Variants in ZNF540 observed in about 807,000 individuals in gnomAD.
ZNF540 encodes CTD-3064H18.6.
In ZNF540, 3 loss-of-function variants were observed where a neutral mutation model predicts 11.8. The observed-to-expected ratio is 0.25, with a 90% CI of 0.12 to 0.65. The LOEUF (loss-of-function observed/expected upper bound fraction) is 0.65. Among genes scored for constraint, ZNF540 ranks in the 30% least tolerant of loss-of-function variants. The probability of loss-of-function intolerance (pLI) is 0.83; values close to 1 mark genes in which losing one functional copy is unlikely to be tolerated. For synonymous variants in ZNF540, 247 were observed against 259.0 expected (o/e 0.95, Z 0.45); for missense variants, 709 against 793.1 (o/e 0.89, Z 1.27).
In ZNF540 at chr19:37,611,857, G is replaced by A. The variant is rs374759629; in HGVS notation, c.577G>A (p.Gly193Arg). The change falls in exon 5 of 5, where the codon GGG becomes AGG. Residue 193 changes from glycine (G) to arginine (R), a missense_variant. Physicochemically the swap from Gly to Arg is moderately radical, Grantham distance 125. Coordinates refer to ENST00000316433, the MANE Select transcript of ZNF540 (RefSeq NM_001172225.3). ...TGTGAAACATGATTGTAAAGAATGTGGGAGTACTTTTAATAATGTCTATCA... is the reference window on the plus strand; with the variant it reads ...TGTGAAACATGATTGTAAAGAATGTAGGAGTACTTTTAATAATGTCTATCA... Reference protein sequence around the residue: ...SDVKHDCKECGSTFNNVYQLT... With the variant: ...SDVKHDCKECRSTFNNVYQLT... 6.2e-7 allele frequency: 1 copy of A among 1,613,878 alleles called. No homozygotes were observed. Among genetic ancestry groups the A allele is most frequent in the African/African-American group, 1.3e-5 (1 of 75,038 alleles).
At position 37,611,606 on chromosome 19, in the gene ZNF540, A is replaced by G. The variant is rs2044129225; in HGVS notation, c.326A>G (p.Lys109Arg). The stretch of plus-strand genomic sequence containing the variant: ...AAAGAGAGTATAATAGAAAAAAGTA[A>G]AACTCTTCGTCTGAAAGGATCCATT... Reference protein sequence around the residue: ...LSKESIIEKSKTLRLKGSIFR... With the variant: ...LSKESIIEKSRTLRLKGSIFR... The change falls in exon 5 of 5, where the codon AAA becomes AGA. Residue 109 changes from lysine to arginine, a missense_variant. Coordinates refer to ENST00000316433, the MANE Select transcript of ZNF540 (RefSeq NM_001172225.3). The G allele has an allele frequency of 6.2e-7, 1 of 1,613,982 alleles. No individual in the cohort carries two copies. Among genetic ancestry groups the G allele is most frequent in the African/African-American group, 1.3e-5 (1 of 75,052 alleles).
intron 1 of ZNF540, among the ~76,000 whole-genome samples, chr19:37,584,432 T>C (rs1600522713): frequency 6.6e-6 from 1 of 152,360 alleles, no homozygotes; most frequent in East Asian, 1.9e-4. Context: ...CAATAACTAA[T>C]ATACTCTCAA....
rs773425281 is a variant in ZNF540, at chr19:37,565,960, T to G, written c.-73+14295T>G. The G allele has an allele frequency of 6.2e-6, 10 of 1,613,732 alleles. No homozygotes were observed. The highest frequency in any genetic ancestry group is 5.0e-5 in the Admixed American group (3 of 59,978). On this transcript the variant is annotated intron_variant, in intron 1 of 4. Coordinates refer to the ZNF540 transcript ENST00000592533. Reference sequence around the variant, plus strand: ...TTTCTATATTATGATTTTCCTCATGTTGAATAAGGCATGACAGGTAGCTGA... The same window carrying G: ...TTTCTATATTATGATTTTCCTCATGGTGAATAAGGCATGACAGGTAGCTGA...
At chr19:37,565,788 G>A in intron 1 of ZNF540, 1 of 1,613,534 alleles carries the variant, frequency 6.2e-7, no homozygotes. Flanking sequence ...TGAATTTTCT[G>A]ATGTTGAATG....
At chr19:37,590,416 C>CA (rs1468206022), upstream of ZNF540, among the ~76,000 whole-genome samples, 1 of 138,114 alleles carries the variant, frequency 7.2e-6, no homozygotes, top group Non-Finnish European at 1.6e-5. Flanking sequence ...GGCTCCGTTT[C>CA]AAAAAAAAGA....
At position 37,569,613 on chromosome 19, in the gene ZNF540, C is replaced by G. The variant is rs2042987661; in HGVS notation, c.-73+17948C>G. On this transcript the variant is annotated intron_variant, in intron 1 of 4. Coordinates refer to the ZNF540 transcript ENST00000592533. This position sits in a 1 kb window ranked among gnomAD's most constrained non-coding sequence, Gnocchi z 4.4. ...AACAACAAGTGCTGCTTATAACCTA[C>G]TAGGTTGTATTCATAACCTCTAGCA... is the stretch of plus-strand genomic sequence containing the variant. 6.6e-6 allele frequency among the ~76,000 whole-genome samples: 1 copy of G among 152,198 alleles called. No homozygotes were observed. The highest frequency in any genetic ancestry group is 6.5e-5 in the Admixed American group (1 of 15,280).
At chr19:37,587,005 C>G (rs563216839) in intron 1 of ZNF540, 38 of 306,550 alleles carry the variant, frequency 1.2e-4, no homozygotes, top group Non-Finnish European at 2.3e-4. Flanking sequence ...CCCAGGGAGC[C>G]CCCCACCATC....
intron 4 of ZNF540, among the ~76,000 whole-genome samples, chr19:37,603,905 T>G (rs2044060275): frequency 6.6e-6 from 1 of 152,218 alleles, no homozygotes; most frequent in Non-Finnish European, 1.5e-5. Flanking sequence ...TTTTTTTTAG[T>G]TGAAATTCTT....
chr19:37,612,491 T>C lies in ZNF540; in HGVS notation c.1211T>C (p.Ile404Thr). 1 of 1,614,186 alleles carries C rather than the reference T, an allele frequency of 6.2e-7. No individual in the cohort carries two copies. The highest frequency in any genetic ancestry group is 8.5e-7 in the Non-Finnish European group (1 of 1,180,032). Reference protein sequence around the residue: ...VRGQLNRHKTIHTGIKPFACK... With the variant: ...VRGQLNRHKTTHTGIKPFACK... ...GGACAGCTTAATCGGCATAAAACAATCCATACTGGTATAAAACCTTTTGCA... is the reference window on the plus strand; with the variant it reads ...GGACAGCTTAATCGGCATAAAACAACCCATACTGGTATAAAACCTTTTGCA... Residue 404 changes from isoleucine (I) to threonine (T), a missense_variant, in exon 5 of 5, where the codon ATC becomes ACC. Physicochemically the swap from Ile to Thr is moderately conservative, Grantham distance 89. Transcript: ENST00000316433.
Position 37,611,290 on chromosome 19 carries a change from G to C in ZNF540, c.233-223G>C, listed in dbSNP as rs553005861. 3.2e-5 allele frequency: 10 copies of C among 314,116 alleles called. No homozygotes were observed. In the South Asian group the frequency reaches 5.1e-4, roughly 16 times the overall value. 19.5% of individuals were successfully genotyped at this position (314,116 alleles called of 1,614,324 possible). On this transcript the variant is annotated intron_variant, in intron 4 of 4. Transcript: ENST00000316433. ...GATCCACCTGCCTTGGCCTTCCAAA[G>C]TGCTGAGATTACAGGCATGAGCCAC... is the stretch of plus-strand genomic sequence containing the variant.
intron 1 of ZNF540, among the ~76,000 whole-genome samples, chr19:37,554,515 G>A (rs1311825083): frequency 1.3e-5 from 2 of 152,216 alleles, no homozygotes; most frequent in Non-Finnish European, 2.9e-5. Flanking sequence ...CCATCAGGCT[G>A]TTCTCAAGAT....
chr19:37,564,652 A>G (rs1027750211), intron 1 of ZNF540: 1 of 1,598,078 alleles, frequency 6.3e-7, no homozygotes, highest in South Asian at 1.1e-5. Context: ...TAAAGTCTTT[A>G]CCACACTGGA....
At chr19:37,553,333 A>G (rs2042628466) in intron 1 of ZNF540, among the ~76,000 whole-genome samples, 1 of 151,346 alleles carries the variant, frequency 6.6e-6, no homozygotes, top group African/African-American at 2.4e-5. Context: ...GGGTTTCACC[A>G]TGTTGGCCAG....
At chr19:37,598,836 A>C (rs1600556443) in intron 2 of ZNF540, among the ~76,000 whole-genome samples, 1 of 152,254 alleles carries the variant, frequency 6.6e-6, no homozygotes, top group East Asian at 1.9e-4. Flanking sequence ...GATTGGCCTC[A>C]GTTTCAGTAT....
Position 37,612,328 on chromosome 19 carries a change from A to G in ZNF540, c.1048A>G (p.Thr350Ala), listed in dbSNP as rs1168759905. Residue 350 changes from threonine to alanine, a missense_variant, in exon 5 of 5, where the codon ACT (threonine) becomes GCT (alanine). Coordinates refer to ENST00000316433, the MANE Select transcript of ZNF540 (RefSeq NM_001172225.3). ...GQLTRHQKIH[T>A]GVKPYECKEC... The stretch of plus-strand genomic sequence containing the variant: ...ACTTACCCGTCATCAGAAAATTCAT[A>G]CTGGTGTAAAACCCTACGAATGTAA... The G allele has an allele frequency of 6.2e-7, 1 of 1,613,992 alleles. No homozygotes were observed. The highest frequency in any genetic ancestry group is 8.5e-7 in the Non-Finnish European group (1 of 1,180,018).
chr19:37,557,177 A>G (rs1442853590), intron 1 of ZNF540, among the ~76,000 whole-genome samples: 1 of 152,172 alleles, frequency 6.6e-6, no homozygotes, highest in Non-Finnish European at 1.5e-5. Flanking sequence ...TTACTTTTGT[A>G]AAGTCAATTT....
chr19:37,560,041 C>T (rs544331269), intron 1 of ZNF540, among the ~76,000 whole-genome samples: 5 of 152,236 alleles, frequency 3.3e-5, no homozygotes, highest in Non-Finnish European at 7.4e-5. Flanking sequence ...CTTTGGGAGG[C>T]CAAGGCGAGT....
chr19:37,590,748 A>C (rs1300153866), upstream of ZNF540, among the ~76,000 whole-genome samples: 1 of 152,188 alleles, frequency 6.6e-6, no homozygotes, highest in Non-Finnish European at 1.5e-5. Context: ...TAAGTGTAAT[A>C]TTATATCAAA....
At chr19:37,588,975 G>T (rs1185865731) in intron 1 of ZNF540, among the ~76,000 whole-genome samples, 3 of 152,056 alleles carry the variant, frequency 2.0e-5, no homozygotes, top group Non-Finnish European at 4.4e-5. Flanking sequence ...TGAGGCAGGT[G>T]GATCACCTGA....
Sources: allele counts gnomAD v4.1 joint callset (sites outside exome capture counted in the v4.1 genomes callset), GRCh38; gene constraint gnomAD v4.1.1; non-coding constraint Gnocchi (gnomAD v3.1); transcripts MANE v1.5; gene names NCBI Gene and HGNC (gene_info 2026-07-23, HGNC 2026-07-21).